Variants in CAMK2A observed in about 807,000 individuals in gnomAD.
The protein encoded by CAMK2A is calcium/calmodulin-dependent protein kinase type II subunit alpha.
Under a neutral mutation model 79.2 loss-of-function variants are expected in CAMK2A, and 7 were observed. The ratio of observed to expected loss-of-function variants is 0.09; its 90% confidence interval spans 0.05 to 0.17. The LOEUF (loss-of-function observed/expected upper bound fraction) is 0.17, where lower values mean the gene tolerates loss of function less well. CAMK2A is among the 10% of genes least tolerant of loss of function. The pLI, the probability that CAMK2A is intolerant of heterozygous loss-of-function variation, is 1.00. For synonymous variants in CAMK2A, 242 were observed against 251.7 expected, an observed-to-expected ratio of 0.96 and a Z score of 0.36; for missense variants, 214 against 646.4, an observed-to-expected ratio of 0.33 and a Z score of 7.25.
chr5:150,279,259 A>G (rs1757108450), intron 1 of CAMK2A, among the ~76,000 whole-genome samples: 1 of 152,220 alleles, frequency 6.6e-6, no homozygotes, highest in Non-Finnish European at 1.5e-5. Flanking sequence ...AATCTAAATA[A>G]CTATATGTGG....
At chr5:150,227,019 G>A (rs973631669) in intron 17 of CAMK2A, among the ~76,000 whole-genome samples, 2 of 151,850 alleles carry the variant, frequency 1.3e-5, no homozygotes, top group South Asian at 2.1e-4. Context: ...TGATCTGCCC[G>A]CCTCAGCCTC....
chr5:150,271,871 A>G (rs925430629), intron 2 of CAMK2A, among the ~76,000 whole-genome samples: 4 of 152,240 alleles, frequency 2.6e-5, no homozygotes, highest in African/African-American at 9.6e-5. Flanking sequence ...GCAGATTCAG[A>G]TTCTTCAAGT....
intron 2 of CAMK2A, among the ~76,000 whole-genome samples, 184 bp downstream of exon 2, chr5:150,272,881 A>C (rs1369261900): frequency 6.6e-6 from 1 of 151,792 alleles, no homozygotes; most frequent in Non-Finnish European, 1.5e-5. Context: ...CCAGCCTTGA[A>C]AAAAAGGAAA....
At chr5:150,279,812 A>C (rs1272730469) in intron 1 of CAMK2A, among the ~76,000 whole-genome samples, 1 of 152,216 alleles carries the variant, frequency 6.6e-6, no homozygotes, top group Non-Finnish European at 1.5e-5. Flanking sequence ...ATGGCTGAGA[A>C]TGTGGGAACG....
chr5:150,263,399 CACACTT>C (rs1401461564), intron 3 of CAMK2A, among the ~76,000 whole-genome samples: 2 of 151,180 alleles, frequency 1.3e-5, no homozygotes, highest in African/African-American at 4.8e-5. Flanking sequence ...TTCACACACA[CACACTT>C]ACACAGACTC....
chr5:150,273,392 C>A (rs1226290491), intron 1 of CAMK2A, among the ~76,000 whole-genome samples: 1 of 152,178 alleles, frequency 6.6e-6, no homozygotes, highest in African/African-American at 2.4e-5. Flanking sequence ...GAGGAGCCTG[C>A]CAACGTCATC....
chr5:150,260,362 G>A (rs1356044088), intron 3 of CAMK2A, among the ~76,000 whole-genome samples: 1 of 151,972 alleles, frequency 6.6e-6, no homozygotes, highest in African/African-American at 2.4e-5. Context: ...AGGAGGCTGA[G>A]GCAGGAGAAT....
chr5:150,236,732 T>C (rs917271074), intron 15 of CAMK2A, among the ~76,000 whole-genome samples: 1 of 152,198 alleles, frequency 6.6e-6, no homozygotes, highest in African/African-American at 2.4e-5. Flanking sequence ...AGAAGCACCA[T>C]TTCTTGGCCT....
rs1754366292 is a variant in CAMK2A at position 150,222,535 on chromosome 5, T to G, written c.*175A>C. The G allele has an allele frequency of 1.3e-6, 1 of 745,512 alleles. No homozygotes were observed. The highest frequency in any genetic ancestry group is 2.4e-6 in the Non-Finnish European group (1 of 421,724). 46.2% of individuals were successfully genotyped at this position (745,512 alleles called of 1,614,324 possible). ...GGAGATGTGGCCGTTCGCTCTGAAG[T>G]TGCGATGACTTTTGTGAACAAGCAG... On this transcript the variant is annotated 3_prime_UTR_variant, in exon 19 of 19. Coordinates refer to ENST00000671881, the MANE Select transcript of CAMK2A (RefSeq NM_015981.4).
intron 13 of CAMK2A, among the ~76,000 whole-genome samples, chr5:150,239,937 TC>T (rs1181225318): frequency 8.6e-5 from 13 of 152,046 alleles, no homozygotes. Flanking sequence ...CCAGTCCTCG[TC>T]CTGAAGCTCT....
chr5:150,239,005 G>A (rs1027614746), intron 14 of CAMK2A, among the ~76,000 whole-genome samples: 11 of 152,322 alleles, frequency 7.2e-5, no homozygotes, highest in South Asian at 4.1e-4. Flanking sequence ...ACTGAGGGGC[G>A]TCCTGGGTCC....
At chr5:150,283,683 T>A (rs1184513254) in intron 1 of CAMK2A, among the ~76,000 whole-genome samples, 1 of 152,172 alleles carries the variant, frequency 6.6e-6, no homozygotes, top group Non-Finnish European at 1.5e-5. Context: ...CCTTATCCAG[T>A]TGCATGTAAA....
intron 7 of CAMK2A, among the ~76,000 whole-genome samples, chr5:150,252,898 T>C (rs1755894972): frequency 6.6e-6 from 1 of 152,184 alleles, no homozygotes; most frequent in Non-Finnish European, 1.5e-5. Context: ...AACCCAGAAC[T>C]CTGGTTCTTA....
At chr5:150,246,424 T>A (rs1755570542) in intron 12 of CAMK2A, among the ~76,000 whole-genome samples, 1 of 152,112 alleles carries the variant, frequency 6.6e-6, no homozygotes, top group African/African-American at 2.4e-5. Context: ...GGATCGTGGG[T>A]CCAGTGAGGC....
chr5:150,231,018 T>C (rs1353495250), intron 16 of CAMK2A, among the ~76,000 whole-genome samples: 5 of 152,146 alleles, frequency 3.3e-5, no homozygotes, highest in East Asian at 1.9e-4. Flanking sequence ...CCCTCTTTCC[T>C]TGGGGAAGCA....
At position 150,220,583 on chromosome 5, in the gene CAMK2A, C is replaced by T. The variant is rs918356656; in HGVS notation, c.*2127G>A. 3 of 152,392 alleles carry T rather than the reference C, an allele frequency of 2.0e-5. No individual in the cohort carries two copies. The highest frequency in any genetic ancestry group is 4.4e-5 in the Non-Finnish European group (3 of 68,058). The allele number at this position is 152,392 out of a possible 1,614,324, so 9.4% of individuals were successfully genotyped here. On this transcript the variant is annotated 3_prime_UTR_variant, in exon 19 of 19. Transcript: ENST00000671881. Reference sequence around the variant, plus strand: ...CAGCCCCTGGTGAAGGCCACACCCTCACCCTTGACTGGGGATGGCTGTAGG... The same window carrying T: ...CAGCCCCTGGTGAAGGCCACACCCTTACCCTTGACTGGGGATGGCTGTAGG...
chr5:150,224,593 C>T (rs1460019737), intron 17 of CAMK2A, among the ~76,000 whole-genome samples: 1 of 152,046 alleles, frequency 6.6e-6, no homozygotes, highest in Non-Finnish European at 1.5e-5. Context: ...TCTTAGGCAC[C>T]ATAGAATAAC....
intron 2 of CAMK2A, among the ~76,000 whole-genome samples, chr5:150,270,492 G>A (rs1756702922): frequency 6.6e-6 from 1 of 152,204 alleles, no homozygotes; most frequent in African/African-American, 2.4e-5. Flanking sequence ...CAGCTCCCGG[G>A]AGGGTGGGCA....
intron 1 of CAMK2A, among the ~76,000 whole-genome samples, chr5:150,276,252 G>C (rs1193858310): frequency 6.6e-6 from 1 of 152,184 alleles, no homozygotes; most frequent in Non-Finnish European, 1.5e-5. Flanking sequence ...AACTTAGATT[G>C]GTGGCGGCTC....
Sources: gnomAD v4.1 joint callset for allele counts (sites outside exome capture counted in the v4.1 genomes callset) on GRCh38, gnomAD v4.1.1 for gene constraint, MANE v1.5 for transcripts, NCBI Gene and HGNC (gene_info 2026-07-23, HGNC 2026-07-21) for gene names.